The following SUPT3H variants were observed in gnomAD, a reference collection of about 807,000 sequenced individuals.
SUPT3H encodes the protein transcription initiation protein SPT3 homolog.
Under a neutral mutation model 44.3 loss-of-function variants are expected in SUPT3H, and 44 were observed. That is an observed-to-expected ratio of 0.99 (90% CI 0.78 to 1.28). SUPT3H has a LOEUF of 1.28. Ranked by LOEUF, SUPT3H falls within the 50% of genes most tolerant of loss-of-function variation. The pLI, the probability that SUPT3H is intolerant of heterozygous loss-of-function variation, is 0.00. For synonymous variants in SUPT3H, 124 were observed against 125.6 expected, an observed-to-expected ratio of 0.99 and a Z score of 0.09; for missense variants, 380 against 387.1, an observed-to-expected ratio of 0.98 and a Z score of 0.15.
At chr6:45,352,701 A>T (rs1169142040) in intron 2 of SUPT3H, among the ~76,000 whole-genome samples, 1 of 152,130 alleles carries the variant, frequency 6.6e-6, no homozygotes, top group East Asian at 1.9e-4. Flanking sequence ...AATATTCATA[A>T]TCTACTGTAG....
intron 1 of SUPT3H, among the ~76,000 whole-genome samples, chr6:45,369,162 G>A (rs1201965352): frequency 3.9e-5 from 6 of 152,008 alleles, no homozygotes; most frequent in Non-Finnish European, 7.4e-5. Context: ...TCTCAAATCA[G>A]TCACACCTGA....
At chr6:45,059,971 C>T (rs1791726393) in intron 3 of SUPT3H, among the ~76,000 whole-genome samples, 1 of 152,068 alleles carries the variant, frequency 6.6e-6, no homozygotes, top group Non-Finnish European at 1.5e-5. Context: ...GAATAACATT[C>T]CATGCTCATA....
chr6:45,209,205 G>C (rs185795961), intron 2 of SUPT3H, among the ~76,000 whole-genome samples: 2 of 152,302 alleles, frequency 1.3e-5, no homozygotes, highest in Admixed American at 1.3e-4. Flanking sequence ...ATGCCTGCTA[G>C]CACAACATCC....
intron 5 of SUPT3H, among the ~76,000 whole-genome samples, chr6:45,012,788 C>A (rs1412442152): frequency 6.6e-6 from 1 of 152,028 alleles, no homozygotes; most frequent in Non-Finnish European, 1.5e-5. Flanking sequence ...TGTAGCAAAT[C>A]TAGACAACTC....
intron 2 of SUPT3H, among the ~76,000 whole-genome samples, chr6:45,111,094 G>A (rs1209108559): frequency 1.3e-5 from 2 of 149,516 alleles, no homozygotes; most frequent in African/African-American, 4.9e-5. Flanking sequence ...GTGCAGTGGC[G>A]CGACCTTCGC....
chr6:45,270,640 A>G (rs1236701272), intron 2 of SUPT3H, among the ~76,000 whole-genome samples: 2 of 152,176 alleles, frequency 1.3e-5, no homozygotes, highest in African/African-American at 4.8e-5. Context: ...CCCAGTCTGG[A>G]GTATGTCCTT....
At chr6:45,080,370 A>C (rs1015727564) in intron 3 of SUPT3H, among the ~76,000 whole-genome samples, 30 of 152,242 alleles carry the variant, frequency 2.0e-4, no homozygotes, top group African/African-American at 7.2e-4. Flanking sequence ...CACTACGCAG[A>C]ACAGTTTGGA....
chr6:45,140,724 C>T (rs1562536877), intron 2 of SUPT3H, among the ~76,000 whole-genome samples: 3 of 152,122 alleles, frequency 2.0e-5, no homozygotes, highest in Non-Finnish European at 4.4e-5. Flanking sequence ...GATAACATCA[C>T]AGAACTCTCT....
intron 2 of SUPT3H, among the ~76,000 whole-genome samples, chr6:45,333,016 A>G (rs1433033346): frequency 6.6e-6 from 1 of 151,734 alleles, no homozygotes; most frequent in East Asian, 1.9e-4. Context: ...AAAGATAACA[A>G]TGAACTCCAA....
intron 6 of SUPT3H, among the ~76,000 whole-genome samples, chr6:44,994,844 A>T (rs1369839922): frequency 6.6e-6 from 1 of 152,144 alleles, no homozygotes; most frequent in Non-Finnish European, 1.5e-5. Context: ...TTCAATATCA[A>T]ACCTTGCTTG....
At chr6:45,281,837 C>G (rs1375108779) in intron 2 of SUPT3H, among the ~76,000 whole-genome samples, 3 of 152,136 alleles carry the variant, frequency 2.0e-5, no homozygotes, top group Non-Finnish European at 4.4e-5. Flanking sequence ...GAGGCACCCC[C>G]CAGTAGGGGC....
intron 2 of SUPT3H, among the ~76,000 whole-genome samples, chr6:45,264,054 A>T (rs1774847173): frequency 6.6e-6 from 1 of 152,214 alleles, no homozygotes; most frequent in Middle Eastern, 3.2e-3. Context: ...TTACAGAAAA[A>T]AATTACTTGT....
intron 2 of SUPT3H, among the ~76,000 whole-genome samples, chr6:45,254,344 C>A (rs918427347): frequency 6.6e-6 from 1 of 152,172 alleles, no homozygotes; most frequent in Non-Finnish European, 1.5e-5. Flanking sequence ...TGTACTAATA[C>A]ATGATTAACC....
At chr6:45,304,804 A>T (rs1278559723) in intron 2 of SUPT3H, among the ~76,000 whole-genome samples, 1 of 152,208 alleles carries the variant, frequency 6.6e-6, no homozygotes, top group Admixed American at 6.5e-5. Flanking sequence ...ATGCCATTAT[A>T]CCTAGATTCT....
chr6:45,306,671 G>A (rs921178198), intron 2 of SUPT3H, among the ~76,000 whole-genome samples: 2 of 152,150 alleles, frequency 1.3e-5, no homozygotes, highest in Non-Finnish European at 2.9e-5. Context: ...CAAGATGGCC[G>A]AATAGGAACA....
intron 3 of SUPT3H, among the ~76,000 whole-genome samples, chr6:45,056,757 C>G (rs1791193000): frequency 6.6e-6 from 1 of 151,944 alleles, no homozygotes; most frequent in Non-Finnish European, 1.5e-5. Flanking sequence ...GTGTACACTG[C>G]GTGGGTGATT....
intron 1 of SUPT3H, among the ~76,000 whole-genome samples, chr6:45,367,321 T>C (rs1795306668): frequency 6.6e-6 from 1 of 152,020 alleles, no homozygotes; most frequent in Non-Finnish European, 1.5e-5. Context: ...CTAAAACATA[T>C]GAAGAACATA....
rs1040011060 is a variant in SUPT3H at position 44,892,189 on chromosome 6, C to T, written c.912+40464G>A. ...AATTCATATGTTGAACCCCTAACCC[C>T]CAATGTGACTATATTTGGAGACAGA... On this transcript the variant is annotated intron_variant, in intron 10 of 10. Transcript: ENST00000371459. Among the ~76,000 whole-genome samples the T allele has an allele frequency of 9.9e-5, 15 of 152,166 alleles. No homozygotes were observed. The South Asian group carries it at 2.9e-3, about 29-fold the overall frequency.
intron 5 of SUPT3H, among the ~76,000 whole-genome samples, chr6:45,012,609 T>C (rs971062728): frequency 6.6e-6 from 1 of 152,158 alleles, no homozygotes; most frequent in South Asian, 2.1e-4. Context: ...ACATACATAA[T>C]AGCCCCTTTG....
Sources: gnomAD v4.1 joint callset for allele counts (sites outside exome capture counted in the v4.1 genomes callset) on GRCh38, gnomAD v4.1.1 for gene constraint, MANE v1.5 for transcripts, NCBI Gene and HGNC (gene_info 2026-07-23, HGNC 2026-07-21) for gene names.